Variants in CCDC158 observed in about 807,000 individuals in gnomAD.
CCDC158 encodes the protein coiled-coil domain containing 158.
In CCDC158, 116 loss-of-function variants were observed where a neutral mutation model predicts 138.6. The ratio of observed to expected loss-of-function variants is 0.84; its 90% CI spans 0.72 to 0.98. CCDC158 has a LOEUF of 0.98. Ranked by LOEUF, CCDC158 falls within the 50% of genes least tolerant of loss-of-function variation. The pLI is 0.00. For synonymous variants in CCDC158, 436 were observed against 442.4 expected (o/e 0.99, Z 0.18); for missense variants, 1,265 against 1,306.1 (o/e 0.97, Z 0.48).
intron 15 of CCDC158, 117 bp from the exon 16 acceptor site, chr4:76,353,398 T>C: frequency 1.4e-6 from 1 of 723,536 alleles, no homozygotes; most frequent in Non-Finnish European, 2.2e-6. Context: ...TTAATTTATA[T>C]GCCATTTAAT....
chr4:76,370,824 AT>A (rs1157694031), intron 10 of CCDC158, among the ~76,000 whole-genome samples: 1 of 152,210 alleles, frequency 6.6e-6, no homozygotes, highest in Non-Finnish European at 1.5e-5. Context: ...ACCTCAGCTC[AT>A]CAAACCCTTG....
intron 8 of CCDC158, among the ~76,000 whole-genome samples, chr4:76,382,075 G>T (rs552038993): frequency 2.6e-5 from 4 of 152,202 alleles, no homozygotes; most frequent in Non-Finnish European, 5.9e-5. Context: ...GGCCTTGTGG[G>T]AGGTAACTGG....
intron 9 of CCDC158, among the ~76,000 whole-genome samples, chr4:76,376,451 T>C (rs1725728714): frequency 6.6e-6 from 1 of 152,230 alleles, no homozygotes; most frequent in Non-Finnish European, 1.5e-5. Context: ...TACTGAAATA[T>C]GCACTGAAGC....
At chr4:76,375,362 G>A (rs113785397) in intron 9 of CCDC158, 5,496 of 443,796 alleles carry the variant, frequency 0.012, 259 homozygotes, top group African/African-American at 0.099. Flanking sequence ...TTTGTCTGTT[G>A]GTGGTGGTGT....
intron 8 of CCDC158, among the ~76,000 whole-genome samples, chr4:76,379,854 G>C (rs1726066937): frequency 6.6e-6 from 1 of 152,010 alleles, no homozygotes; most frequent in Admixed American, 6.6e-5. Context: ...GGGACCTGGT[G>C]GGAGGTGATT....
At chr4:76,388,377 C>T (rs915812602) in intron 4 of CCDC158, among the ~76,000 whole-genome samples, 21 of 152,058 alleles carry the variant, frequency 1.4e-4, no homozygotes, top group Admixed American at 1.4e-3. Context: ...AGGGTGAGTT[C>T]CAGGCCTGGC....
At chr4:76,349,250 ATTACTTT>A (rs1722840847) in intron 18 of CCDC158, among the ~76,000 whole-genome samples, 1 of 152,250 alleles carries the variant, frequency 6.6e-6, no homozygotes, top group African/African-American at 2.4e-5. Flanking sequence ...AAGAATGAAT[ATTACTTT>A]TATTGTGTAA....
At chr4:76,315,047 A>G (rs536835118) in intron 24 of CCDC158, among the ~76,000 whole-genome samples, 1 of 152,122 alleles carries the variant, frequency 6.6e-6, no homozygotes, top group Non-Finnish European at 1.5e-5. Context: ...ACCCCCAACC[A>G]CCACCCTGCA....
At chr4:76,333,223 C>T (rs972835294) in intron 19 of CCDC158, among the ~76,000 whole-genome samples, 2 of 152,052 alleles carry the variant, frequency 1.3e-5, no homozygotes, top group Non-Finnish European at 2.9e-5. Context: ...ACGAATTGGA[C>T]ATCATAAGAA....
chr4:76,321,701 G>A lies in CCDC158; in HGVS notation c.3277+1601C>T, dbSNP rs1051608389. ...ATATATATATATTTACATGGTGTGT[G>A]TATATATATATATGATATATTTACA... On this transcript the variant is annotated intron_variant, in intron 24 of 24. Coordinates refer to ENST00000682701, the MANE Select transcript of CCDC158 (RefSeq NM_001394954.1). Among the ~76,000 whole-genome samples, 6 of 142,032 alleles carry A rather than the reference G, an allele frequency of 4.2e-5. No individual in the cohort carries two copies. In the South Asian group the frequency reaches 6.6e-4, roughly 16 times the overall value. 93.2% of individuals were successfully genotyped at this position (142,032 alleles called of 152,430 possible).
chr4:76,403,326 A>C (rs1050864977), intron 2 of CCDC158, 46 bp from the exon 3 acceptor site: 1 of 589,432 alleles, frequency 1.7e-6, no homozygotes. Context: ...GTACTATGTG[A>C]AAAAAGTTCA....
intron 10 of CCDC158, 53 bp from the exon 11 acceptor site, chr4:76,369,676 AAAAC>A: frequency 6.7e-7 from 1 of 1,483,306 alleles, no homozygotes; most frequent in Non-Finnish European, 9.3e-7. Context: ...TAATTAAGAT[AAAAC>A]ATATTGTCTT....
intron 9 of CCDC158, among the ~76,000 whole-genome samples, chr4:76,374,959 G>A (rs373860476): frequency 1.3e-5 from 2 of 152,214 alleles, no homozygotes; most frequent in African/African-American, 4.8e-5. Context: ...AGGAACATTT[G>A]TTTTGTAGTT....
At chr4:76,372,417 C>T (rs1725330054) in intron 9 of CCDC158, among the ~76,000 whole-genome samples, 1 of 152,116 alleles carries the variant, frequency 6.6e-6, no homozygotes, top group African/African-American at 2.4e-5. Flanking sequence ...TGCACTCCAG[C>T]CTGGGTGACA....
At chr4:76,347,736 G>A (rs938628881) in intron 18 of CCDC158, among the ~76,000 whole-genome samples, 4 of 151,804 alleles carry the variant, frequency 2.6e-5, no homozygotes, top group South Asian at 2.1e-4. Context: ...AAACAAAATC[G>A]CCTAGAACCC....
intron 18 of CCDC158, chr4:76,344,667 A>G (rs1467283069): frequency 1.2e-6 from 2 of 1,612,560 alleles, no homozygotes; most frequent in East Asian, 4.5e-5. Flanking sequence ...CACACTGCCC[A>G]TGTTTCAGAG....
chr4:76,384,136 T>G lies in CCDC158; in HGVS notation c.678A>C (p.Leu226=). ...RSLGSAISKI[L]RELDTEISYL... ...AAGAAATCTCTGTGTCTAATTCTCT[T>G]AGTATTTTACTAATAGCTGAGCCCA... is the stretch of plus-strand genomic sequence containing the variant. Residue 226 remains leucine, a synonymous_variant, in exon 6 of 25, where the codon CTA becomes CTC. Coordinates refer to ENST00000682701, the MANE Select transcript of CCDC158 (RefSeq NM_001394954.1). The G allele has an allele frequency of 6.2e-7, 1 of 1,613,706 alleles. No individual in the cohort carries two copies. Among genetic ancestry groups the G allele is most frequent in the East Asian group, 2.2e-5 (1 of 44,876 alleles).
chr4:76,314,747 G>A (rs1719209297), intron 24 of CCDC158, among the ~76,000 whole-genome samples: 2 of 152,192 alleles, frequency 1.3e-5, no homozygotes, highest in Admixed American at 1.3e-4. Flanking sequence ...CGAGCCCAGG[G>A]AAGCCATCCC....
chr4:76,416,297 A>G (rs769971513), intron 1 of CCDC158, among the ~76,000 whole-genome samples: 5 of 152,062 alleles, frequency 3.3e-5, no homozygotes, highest in Non-Finnish European at 7.4e-5. Flanking sequence ...ACAGCCTGGC[A>G]TTTGGGGCCA....
Sources: allele counts gnomAD v4.1 joint callset (sites outside exome capture counted in the v4.1 genomes callset), GRCh38; gene constraint gnomAD v4.1.1; transcripts MANE v1.5; gene names NCBI Gene and HGNC (gene_info 2026-07-23, HGNC 2026-07-21).